The following VAPA variants were observed in gnomAD, a reference collection of about 807,000 sequenced individuals.
VAPA encodes the protein VAMP associated protein A, also known as vesicle-associated membrane protein-associated protein A.
Under a neutral mutation model 25.6 loss-of-function variants are expected in VAPA, and 6 were observed. The observed-to-expected ratio is 0.23, with a 90% CI of 0.13 to 0.46. The LOEUF is 0.46. Ranked by LOEUF, VAPA falls within the 20% of genes least tolerant of loss-of-function variation. VAPA has a pLI of 0.99. For synonymous variants in VAPA, 112 were observed against 106.2 expected (o/e 1.05, Z -0.34); for missense variants, 244 against 302.1 (o/e 0.81, Z 1.43).
At chr18:9,950,323 A>G in intron 4 of VAPA, 72 bp from the exon 5 acceptor site, 2 of 1,501,866 alleles carry the variant, frequency 1.3e-6, no homozygotes, top group Non-Finnish European at 9.1e-7. Flanking sequence ...TGTAGAATTT[A>G]TATTGTTATT....
intron 1 of VAPA, among the ~76,000 whole-genome samples, chr18:9,918,509 C>T (rs1402685143): frequency 1.3e-5 from 2 of 152,016 alleles, no homozygotes; most frequent in East Asian, 1.9e-4. Flanking sequence ...TTGACAGTAC[C>T]GACAGTTTCT....
intron 1 of VAPA, among the ~76,000 whole-genome samples, chr18:9,927,233 A>G (rs1040412807): frequency 6.6e-6 from 1 of 152,172 alleles, no homozygotes; most frequent in Non-Finnish European, 1.5e-5. Flanking sequence ...AAGTAAATAC[A>G]GCAAAATGTT....
intron 1 of VAPA, 78 bp from the exon 2 acceptor site, chr18:9,931,732 T>C: frequency 7.9e-7 from 1 of 1,268,272 alleles, no homozygotes; most frequent in East Asian, 2.5e-5. Context: ...ATTGAGGTTA[T>C]ATATTTTCAG....
rs1252199045 is a variant in VAPA at position 9,954,859 on chromosome 18, A to ACTC, written c.*650_*652dup. 1 of 152,476 alleles carries ACTC rather than the reference A, an allele frequency of 6.6e-6. No individual in the cohort carries two copies. Among genetic ancestry groups the ACTC allele is most frequent in the Non-Finnish European group, 1.5e-5 (1 of 68,010 alleles). 9.4% of individuals were successfully genotyped at this position (152,476 alleles called of 1,614,324 possible). A position where few individuals can be genotyped will look rare whatever the true frequency, so the allele number is the denominator to read the frequency against. On this transcript the variant is annotated 3_prime_UTR_variant, in exon 6 of 6. Transcript: ENST00000400000. ...TGTGTCTGTCGTGTTATTAGAGGGA[A>ACTC]CTCCACTATATATGGTCACTTGAAA... is the stretch of plus-strand genomic sequence containing the variant.
At chr18:9,953,141 C>T (rs1428270006) in intron 5 of VAPA, among the ~76,000 whole-genome samples, 2 of 152,198 alleles carry the variant, frequency 1.3e-5, no homozygotes, top group Admixed American at 6.5e-5. Context: ...ATAACAACCT[C>T]CTGCTTGGAG....
intron 1 of VAPA, among the ~76,000 whole-genome samples, chr18:9,916,020 G>A (rs2069109093): frequency 2.0e-5 from 3 of 152,018 alleles, no homozygotes; most frequent in African/African-American, 4.8e-5. Flanking sequence ...CTTTTGATTG[G>A]CTGTGTTTAC....
Position 9,945,644 on chromosome 18 carries a change from G to C in VAPA, c.418-4751G>C, listed in dbSNP as rs188460527. ...CTCCCAAAGTCCTGGGATTATAGGC[G>C]TGAGCCACCACATGTGGCAACCCCA... On this transcript the variant is annotated intron_variant, in intron 4 of 5. Transcript: ENST00000400000. 1.8e-3 allele frequency among the ~76,000 whole-genome samples: 280 copies of C among 152,212 alleles called. 1 individual carries two copies. Among genetic ancestry groups the C allele is most frequent in the Non-Finnish European group, 2.2e-3 (148 of 68,002 alleles).
chr18:9,939,066 TAATATC>T (rs1259073549), intron 4 of VAPA, among the ~76,000 whole-genome samples: 10 of 152,218 alleles, frequency 6.6e-5, no homozygotes, highest in African/African-American at 2.4e-4. Context: ...AGTATATCCT[TAATATC>T]AAGCTGTCCA....
intron 4 of VAPA, among the ~76,000 whole-genome samples, chr18:9,946,793 A>G (rs1368323805): frequency 6.6e-6 from 1 of 152,208 alleles, no homozygotes; most frequent in Admixed American, 6.5e-5. Flanking sequence ...GGCTACATTT[A>G]TTAAAATTTT....
At chr18:9,937,477 A>G (rs2069323262) in intron 4 of VAPA, among the ~76,000 whole-genome samples, 1 of 152,164 alleles carries the variant, frequency 6.6e-6, no homozygotes, top group Non-Finnish European at 1.5e-5. Flanking sequence ...AGGTTTAGTT[A>G]TTCCTAGGTA....
At position 9,954,067 on chromosome 18, in the gene VAPA, G is replaced by A; in HGVS notation, c.606G>A (p.Arg202=). 6.2e-7 allele frequency: 1 copy of A among 1,613,786 alleles called. No individual in the cohort carries two copies. The highest frequency in any genetic ancestry group is 8.5e-7 in the Non-Finnish European group (1 of 1,179,912). The change falls in exon 6 of 6, where the codon AGG becomes AGA. Residue 202 remains arginine, a synonymous_variant. Coordinates refer to ENST00000400000, the MANE Select transcript of VAPA (RefSeq NM_194434.3). ...ENRHLRDEGL[R]LRKVAHSDKP... is the part of the protein sequence containing the mutation. ...TTTTTTTCTAGGATGAAGGTTTAAG[G>A]CTCAGAAAGGTAGCACATTCGGATA...
chr18:9,926,078 A>G (rs117716193), intron 1 of VAPA, among the ~76,000 whole-genome samples: 4,020 of 152,264 alleles, frequency 0.026, 64 homozygotes, highest in Middle Eastern at 0.075. Context: ...TAATGAAAGT[A>G]TCTACTTCAT....
chr18:9,945,374 TTTTTGAGA>T (rs2069412035), intron 4 of VAPA, among the ~76,000 whole-genome samples: 1 of 140,536 alleles, frequency 7.1e-6, no homozygotes, highest in African/African-American at 2.7e-5. Context: ...TTTTTTTTTT[TTTTTGAGA>T]TGGAGTCTCG....
chr18:9,942,571 G>A (rs1377906155), intron 4 of VAPA, among the ~76,000 whole-genome samples: 1 of 152,094 alleles, frequency 6.6e-6, no homozygotes, highest in Non-Finnish European at 1.5e-5. Flanking sequence ...CTGAGACTGG[G>A]TAATTTATAA....
rs552966747 is a variant in VAPA at position 9,958,476 on chromosome 18, T to C, written c.*4265T>C. On this transcript the variant is annotated 3_prime_UTR_variant, in exon 6 of 6. Transcript: ENST00000400000. ...CAGATAACTTTTGTAGTAGTGATAT[T>C]CAACTATAGCAGTACCTTAACTCAT... The C allele has an allele frequency of 1.3e-5, 2 of 152,226 alleles. No individual in the cohort carries two copies. The highest frequency in any genetic ancestry group is 2.9e-5 in the Non-Finnish European group (2 of 68,036). 9.4% of individuals were successfully genotyped at this position (152,226 alleles called of 1,614,324 possible).
chr18:9,942,690 G>C (rs76622075), intron 4 of VAPA, among the ~76,000 whole-genome samples: 8,266 of 152,168 alleles, frequency 0.054, 268 homozygotes, highest in South Asian at 0.14. Context: ...GAGGGCAAAG[G>C]GGGAGCAGAT....
Position 9,931,811 on chromosome 18 carries a change from C to T in VAPA, c.81C>T (p.Gly27=), listed in dbSNP as rs771589289. Residue 27 remains glycine, a splice_region_variant and synonymous_variant, in exon 2 of 6, where the codon GGC becomes GGT. Transcript: ENST00000400000. ...LDPPTDLKFK[G]PFTDVVTTNL... is the part of the protein sequence containing the mutation. ...CTCTTTAATTTTTAAACTTTACAGG[C>T]CCCTTCACAGATGTAGTCACTACAA... The T allele has an allele frequency of 1.9e-6, 3 of 1,607,558 alleles. No homozygotes were observed. Among genetic ancestry groups the T allele is most frequent in the Admixed American group, 3.4e-5 (2 of 58,366 alleles).
chr18:9,914,705 G>C (rs539345286), intron 1 of VAPA: 58 of 151,782 alleles, frequency 3.8e-4, no homozygotes, highest in African/African-American at 1.4e-3. Flanking sequence ...CCCAGAGGCC[G>C]ACGGCGTGCT....
chr18:9,933,681 G>T (rs984430875), intron 2 of VAPA, among the ~76,000 whole-genome samples: 14 of 152,134 alleles, frequency 9.2e-5, no homozygotes, highest in African/African-American at 3.4e-4. Context: ...AGGATTACGG[G>T]CGTGTGCCAA....
Sources: gnomAD v4.1 joint callset for allele counts (sites outside exome capture counted in the v4.1 genomes callset) on GRCh38, gnomAD v4.1.1 for gene constraint, MANE v1.5 for transcripts, NCBI Gene and HGNC (gene_info 2026-07-23, HGNC 2026-07-21) for gene names.